Variants in DPP10 observed in about 807,000 individuals in gnomAD.
DPP10 encodes the protein dipeptidyl peptidase like 10, also known as inactive dipeptidyl peptidase 10.
DPP10 carries 33 observed loss-of-function variants against 120.9 expected under a neutral mutation model. The ratio of observed to expected loss-of-function variants is 0.27; its 90% CI spans 0.21 to 0.37. The LOEUF (loss-of-function observed/expected upper bound fraction) is 0.37. Among genes scored for constraint, DPP10 ranks in the 10% least tolerant of loss-of-function variants. DPP10 has a pLI of 1.00. For synonymous variants in DPP10, 337 were observed against 326.1 expected, an observed-to-expected ratio of 1.03 and a Z score of -0.36; for missense variants, 816 against 942.8, an observed-to-expected ratio of 0.87 and a Z score of 1.76.
chr2:114,460,331 T>C (rs1220431856), intron 1 of DPP10, among the ~76,000 whole-genome samples: 6 of 152,290 alleles, frequency 3.9e-5, no homozygotes, highest in Middle Eastern at 3.4e-3. Flanking sequence ...CTTTCTTGTG[T>C]TTTGGTATAG....
At chr2:114,986,865 G>A (rs1316685532) in intron 1 of DPP10, among the ~76,000 whole-genome samples, 1 of 152,088 alleles carries the variant, frequency 6.6e-6, no homozygotes, top group Non-Finnish European at 1.5e-5. Flanking sequence ...CCACCTCCCA[G>A]GTTCAATCGA....
At chr2:114,566,492 C>T (rs1245964256) in intron 1 of DPP10, among the ~76,000 whole-genome samples, 6 of 152,164 alleles carry the variant, frequency 3.9e-5, no homozygotes, top group South Asian at 2.1e-4. Context: ...TTTGTCAAAA[C>T]GGAGAAACCA....
intron 5 of DPP10, among the ~76,000 whole-genome samples, chr2:115,535,820 G>A (rs2078792378): frequency 1.3e-5 from 2 of 151,960 alleles, no homozygotes; most frequent in African/African-American, 2.4e-5. Flanking sequence ...CCTTGAAGAG[G>A]TCCTTCACCT....
At chr2:115,245,572 C>T (rs2058497501) in intron 1 of DPP10, among the ~76,000 whole-genome samples, 1 of 152,020 alleles carries the variant, frequency 6.6e-6, no homozygotes, top group South Asian at 2.1e-4. Flanking sequence ...CAGTATGGAG[C>T]TTCCCTAAAA....
intron 4 of DPP10, among the ~76,000 whole-genome samples, chr2:115,516,007 CA>C (rs1439164615): frequency 1.3e-5 from 2 of 152,086 alleles, no homozygotes; most frequent in South Asian, 2.1e-4. Context: ...ACACACTTCA[CA>C]AAAAAATTGA....
chr2:115,171,632 C>T (rs1184035680), intron 1 of DPP10, among the ~76,000 whole-genome samples: 1 of 151,652 alleles, frequency 6.6e-6, no homozygotes, highest in Non-Finnish European at 1.5e-5. Flanking sequence ...TCCATCTAGC[C>T]ATTCCCAGAT....
At chr2:115,184,550 A>G (rs1179850563) in intron 1 of DPP10, among the ~76,000 whole-genome samples, 7 of 152,166 alleles carry the variant, frequency 4.6e-5, no homozygotes, top group Admixed American at 3.9e-4. Flanking sequence ...ATTTTTCACA[A>G]CTGTACAGAA....
intron 5 of DPP10, among the ~76,000 whole-genome samples, chr2:115,619,618 G>A (rs899743640): frequency 1.3e-5 from 2 of 152,152 alleles, no homozygotes. Flanking sequence ...GAATTCTACA[G>A]TCACCTGTCC....
intron 1 of DPP10, among the ~76,000 whole-genome samples, chr2:114,480,477 C>T (rs78083711): frequency 1.3e-3 from 204 of 152,124 alleles, no homozygotes; most frequent in African/African-American, 4.6e-3. Flanking sequence ...CAATGATAGA[C>T]TGGATTAAGA....
chr2:114,476,619 C>A (rs1680394832), intron 1 of DPP10, among the ~76,000 whole-genome samples: 1 of 152,146 alleles, frequency 6.6e-6, no homozygotes, highest in African/African-American at 2.4e-5. Context: ...TTTATATAAT[C>A]ATTGAATCAT....
intron 3 of DPP10, among the ~76,000 whole-genome samples, chr2:115,402,854 A>AATATATATATATATATATATATAT (rs757052503): frequency 1.0e-5 from 1 of 97,668 alleles, no homozygotes; most frequent in African/African-American, 3.9e-5. Flanking sequence ...AAAAAAAAAA[A>AATATATATATATATATATATATAT]ATATATATAT....
Position 115,364,662 on chromosome 2 carries a change from C to T in DPP10, c.271+20750C>T, listed in dbSNP as rs1329580579. On this transcript the variant is annotated intron_variant, in intron 3 of 25. Coordinates refer to ENST00000410059, the MANE Select transcript of DPP10 (RefSeq NM_020868.6). ...TTTTTCCTTTAAGTTGCCAGCATGA[C>T]TTTTATGCTTAGCAATGTTTGGATT... 1.2e-4 allele frequency among the ~76,000 whole-genome samples: 18 copies of T among 145,460 alleles called. No homozygotes were observed. In the South Asian group the frequency reaches 1.7e-3, roughly 14 times the overall value.
rs146271130 is a variant in DPP10, at chr2:115,007,950, A to G, written c.61-301289A>G. On this transcript the variant is annotated intron_variant, in intron 1 of 25. Transcript: ENST00000410059. ...AGAGGATACAAACAAATGGAAGAAC[A>G]TTCCATGCTGATGGATAGGAAGAAT... Among the ~76,000 whole-genome samples the G allele has an allele frequency of 2.7e-3, 414 of 152,334 alleles. 1 individual carries two copies. The highest frequency in any genetic ancestry group is 9.5e-3 in the African/African-American group (394 of 41,566).
intron 5 of DPP10, among the ~76,000 whole-genome samples, chr2:115,536,281 A>C (rs1425353001): frequency 6.6e-6 from 1 of 152,006 alleles, no homozygotes; most frequent in African/African-American, 2.4e-5. Flanking sequence ...AACACAGTTT[A>C]CTATCATGAA....
intron 1 of DPP10, among the ~76,000 whole-genome samples, chr2:114,504,920 C>T (rs184951606): frequency 3.3e-5 from 5 of 151,626 alleles, no homozygotes; most frequent in East Asian, 1.9e-4. Flanking sequence ...GGCATGGTGG[C>T]GGGTGCCTAT....
intron 1 of DPP10, among the ~76,000 whole-genome samples, chr2:114,497,421 ATC>A (rs36140358): frequency 0.33 from 37,359 of 111,840 alleles, 6,237 homozygotes; most frequent in Admixed American, 0.45. Context: ...ATACATATGC[ATC>A]TATATATATA....
chr2:114,714,658 G>T (rs1701241828), intron 1 of DPP10, among the ~76,000 whole-genome samples: 1 of 152,032 alleles, frequency 6.6e-6, no homozygotes. Context: ...TTTAGGGTTT[G>T]GTTATTTTTC....
At chr2:115,102,400 TTTGTTTG>T (rs762823095) in intron 1 of DPP10, among the ~76,000 whole-genome samples, 5 of 83,136 alleles carry the variant, frequency 6.0e-5, no homozygotes, top group Non-Finnish European at 1.1e-4. Flanking sequence ...GGGTTTTTTG[TTTGTTTG>T]TTTGTTTGTT....
chr2:114,716,596 T>C (rs545952026), intron 1 of DPP10, among the ~76,000 whole-genome samples: 2 of 152,308 alleles, frequency 1.3e-5, no homozygotes, highest in African/African-American at 2.4e-5. Flanking sequence ...CAGTCCTTCT[T>C]TGGGTGTTCT....
Sources: allele counts gnomAD v4.1 joint callset (sites outside exome capture counted in the v4.1 genomes callset), GRCh38; gene constraint gnomAD v4.1.1; transcripts MANE v1.5; gene names NCBI Gene and HGNC (gene_info 2026-07-23, HGNC 2026-07-21).